UBE2G1: variants seen among roughly 807,000 people sequenced by gnomAD.
UBE2G1 encodes the protein ubiquitin conjugating enzyme E2 G1.
In UBE2G1, 5 loss-of-function variants were observed where a neutral mutation model predicts 22.7. That is an observed-to-expected ratio of 0.22 (90% CI 0.12 to 0.46). The LOEUF (loss-of-function observed/expected upper bound fraction) is 0.46, where lower values mean the gene tolerates loss of function less well. UBE2G1 is among the 20% of genes least tolerant of loss of function. UBE2G1 has a pLI of 0.99. For synonymous variants in UBE2G1, 74 were observed against 67.5 expected, an observed-to-expected ratio of 1.10 and a Z score of -0.47; for missense variants, 88 against 203.9, an observed-to-expected ratio of 0.43 and a Z score of 3.46.
chr17:4,324,710 G>A (rs1007344646), intron 1 of UBE2G1, among the ~76,000 whole-genome samples: 1 of 152,064 alleles, frequency 6.6e-6, no homozygotes, highest in Non-Finnish European at 1.5e-5. Context: ...GAGCCACCAT[G>A]TCCAGCCAGT....
At chr17:4,360,945 G>A (rs1161992160) in intron 1 of UBE2G1, among the ~76,000 whole-genome samples, 2 of 152,164 alleles carry the variant, frequency 1.3e-5, no homozygotes, top group Admixed American at 1.3e-4. Context: ...AGACGGGCTG[G>A]GCGCAGTGGC....
chr17:4,276,461 C>A (rs11654273), intron 5 of UBE2G1, among the ~76,000 whole-genome samples: 11 of 152,096 alleles, frequency 7.2e-5, no homozygotes, highest in Admixed American at 6.5e-4. Flanking sequence ...CCCTGGCCTC[C>A]ACTGAAGTTT....
intron 1 of UBE2G1, among the ~76,000 whole-genome samples, chr17:4,351,957 G>C (rs1229223274): frequency 6.6e-6 from 1 of 152,178 alleles, no homozygotes; most frequent in Admixed American, 6.5e-5. Context: ...AACAGACAGT[G>C]TGCAGTGGTA....
rs1162206538 is a variant in UBE2G1 at position 4,269,530 on chromosome 17, G to C, written c.*3024C>G. 5.4e-6 allele frequency: 1 copy of C among 186,192 alleles called. No individual in the cohort carries two copies. Among genetic ancestry groups the C allele is most frequent in the Non-Finnish European group, 1.1e-5 (1 of 88,762 alleles). 11.5% of individuals were successfully genotyped at this position (186,192 alleles called of 1,614,324 possible). A position where few individuals can be genotyped will look rare whatever the true frequency, so the allele number is the denominator to read the frequency against. The stretch of plus-strand genomic sequence containing the variant: ...CAAAGCGGGCAGATTCGTCGAGGGT[G>C]AGTGGGCATATCAAATAAAATCTCA... On this transcript the variant is annotated 3_prime_UTR_variant, in exon 6 of 6. Coordinates refer to ENST00000396981, the MANE Select transcript of UBE2G1 (RefSeq NM_003342.5).
At chr17:4,363,809 G>A (rs1372983993) in intron 1 of UBE2G1, among the ~76,000 whole-genome samples, 2 of 150,880 alleles carry the variant, frequency 1.3e-5, no homozygotes, top group African/African-American at 2.4e-5. Context: ...AAAATTAGCC[G>A]GGCGTGGTGG....
At chr17:4,279,826 T>C (rs1232744520) in intron 5 of UBE2G1, among the ~76,000 whole-genome samples, 2 of 84,028 alleles carry the variant, frequency 2.4e-5, no homozygotes, top group Non-Finnish European at 5.5e-5. Context: ...TATATATATA[T>C]ATATATGAAC....
intron 1 of UBE2G1, among the ~76,000 whole-genome samples, chr17:4,324,344 T>C (rs896098258): frequency 6.6e-6 from 1 of 152,198 alleles, no homozygotes; most frequent in Non-Finnish European, 1.5e-5. Context: ...AAATATAAAC[T>C]GGATTTTTGA....
intron 1 of UBE2G1, among the ~76,000 whole-genome samples, chr17:4,317,519 T>C (rs750595741): frequency 1.1e-4 from 17 of 152,116 alleles, no homozygotes; most frequent in Non-Finnish European, 2.1e-4. Context: ...AGACCCTGTC[T>C]CAAAAAACAA....
chr17:4,315,612 C>T (rs1478094687), intron 1 of UBE2G1, among the ~76,000 whole-genome samples: 2 of 149,920 alleles, frequency 1.3e-5, no homozygotes, highest in African/African-American at 4.9e-5. Flanking sequence ...TGGTGGCGGG[C>T]GCCTGTAGTC....
chr17:4,275,961 T>C (rs1461720297), intron 5 of UBE2G1, among the ~76,000 whole-genome samples: 1 of 152,184 alleles, frequency 6.6e-6, no homozygotes. Flanking sequence ...CTGTGAGAAC[T>C]CACTCTCCTA....
In UBE2G1 at chr17:4,269,460, A is replaced by C. The variant is rs1005053507; in HGVS notation, c.*3094T>G. 1.7e-5 allele frequency: 3 copies of C among 178,614 alleles called. No individual in the cohort carries two copies. In the South Asian group the frequency reaches 4.4e-4, roughly 26 times the overall value. The allele number at this position is 178,614 out of a possible 1,614,324, so 11.1% of individuals were successfully genotyped here. The stretch of plus-strand genomic sequence containing the variant: ...GTGGCAGTACAAAAAAGGTAATTCC[A>C]CCAACTGGAGACCAGACGGGCAAAG... On this transcript the variant is annotated 3_prime_UTR_variant, in exon 6 of 6. Transcript: ENST00000396981.
chr17:4,284,842 T>C (rs1352024431), intron 4 of UBE2G1, among the ~76,000 whole-genome samples: 2 of 28,986 alleles, frequency 6.9e-5, no homozygotes, highest in South Asian at 1.6e-3. Context: ...TTCTTTCTTT[T>C]TTTTTTTTTT....
intron 1 of UBE2G1, among the ~76,000 whole-genome samples, chr17:4,364,832 T>C (rs1970014200): frequency 6.6e-6 from 1 of 152,094 alleles, no homozygotes; most frequent in South Asian, 2.1e-4. Flanking sequence ...TCCGCCAGCC[T>C]CGGCCTCCCG....
At chr17:4,314,929 G>C (rs75702540) in intron 1 of UBE2G1, among the ~76,000 whole-genome samples, 1 of 152,290 alleles carries the variant, frequency 6.6e-6, no homozygotes, top group East Asian at 1.9e-4. Context: ...GCACAAAAGA[G>C]AGAAATGAAT....
At chr17:4,327,164 TCATGCCTGTTAATCC>T (rs1193997745) in intron 1 of UBE2G1, among the ~76,000 whole-genome samples, 1 of 150,606 alleles carries the variant, frequency 6.6e-6, no homozygotes, top group Admixed American at 6.6e-5. Flanking sequence ...GCATGGTGGC[TCATGCCTGTTAATCC>T]CAGCTACTCG....
At position 4,269,640 on chromosome 17, in the gene UBE2G1, G is replaced by A. The variant is rs1289506580; in HGVS notation, c.*2914C>T. The A allele has an allele frequency of 5.4e-6, 1 of 186,254 alleles. No homozygotes were observed. The highest frequency in any genetic ancestry group is 4.2e-5 in the Admixed American group (1 of 23,658). The allele number at this position is 186,254 out of a possible 1,614,324, so 11.5% of individuals were successfully genotyped here. A position where few individuals can be genotyped will look rare whatever the true frequency, so the allele number is the denominator to read the frequency against. ...ATAACCTCACAAACATGTTACCTTA[G>A]TATGACACGTCAACCTCATATGGAT... On this transcript the variant is annotated 3_prime_UTR_variant, in exon 6 of 6. Coordinates refer to ENST00000396981, the MANE Select transcript of UBE2G1 (RefSeq NM_003342.5).
At chr17:4,340,777 A>AT (rs1318447304) in intron 1 of UBE2G1, among the ~76,000 whole-genome samples, 1 of 147,612 alleles carries the variant, frequency 6.8e-6, no homozygotes, top group Non-Finnish European at 1.5e-5. Context: ...ATTTTTTTTT[A>AT]TTTTTTCTTA....
At chr17:4,297,344 C>A (rs965544758) in intron 2 of UBE2G1, among the ~76,000 whole-genome samples, 9 of 152,006 alleles carry the variant, frequency 5.9e-5, no homozygotes, top group Non-Finnish European at 1.0e-4. Context: ...TGTCAAACTC[C>A]AGGGGTATAG....
At chr17:4,351,149 G>C (rs1969840526) in intron 1 of UBE2G1, among the ~76,000 whole-genome samples, 1 of 151,802 alleles carries the variant, frequency 6.6e-6, no homozygotes, top group Non-Finnish European at 1.5e-5. Flanking sequence ...CAGTGAGCCT[G>C]GCTGACAGAG....
Sources: gnomAD v4.1 joint callset for allele counts (sites outside exome capture counted in the v4.1 genomes callset) on GRCh38, gnomAD v4.1.1 for gene constraint, MANE v1.5 for transcripts, NCBI Gene and HGNC (gene_info 2026-07-23, HGNC 2026-07-21) for gene names.